PCDHA7: variants seen among roughly 807,000 people sequenced by gnomAD.
PCDHA7 encodes the protein protocadherin alpha 7, also known as protocadherin alpha-7.
In PCDHA7, 37 loss-of-function variants were observed where a neutral mutation model predicts 57.2. That is an observed-to-expected ratio of 0.65 (90% CI 0.50 to 0.85). The LOEUF (loss-of-function observed/expected upper bound fraction) is 0.85. Ranked by LOEUF, PCDHA7 falls within the 40% of genes least tolerant of loss-of-function variation. PCDHA7 has a pLI of 0.00. For missense variants in PCDHA7, 1,188 were observed against 1,241.8 expected, an observed-to-expected ratio of 0.96 and a Z score of 0.65; for synonymous variants, 553 against 558.8, an observed-to-expected ratio of 0.99 and a Z score of 0.15.
chr5:140,992,342 T>C (rs2097506091), intron 3 of PCDHA7, among the ~76,000 whole-genome samples: 1 of 152,102 alleles, frequency 6.6e-6, no homozygotes. Flanking sequence ...AAGATGGAAA[T>C]GTGGAGAGAG....
chr5:140,849,743 G>A lies in PCDHA7; in HGVS notation c.2355+13005G>A, dbSNP rs1554143245. ...TGCTGGACAGAGCTCTGGACCGCGA[G>A]AGTGTGTCCGCCTACGAGCTGGTGG... On this transcript the variant is annotated intron_variant, in intron 1 of 3. Transcript: ENST00000525929. 4 of 1,598,390 alleles carry A rather than the reference G, an allele frequency of 2.5e-6. No individual in the cohort carries two copies. The Admixed American group carries it at 6.7e-5, about 27-fold the overall frequency.
At chr5:140,927,824 A>C in intron 1 of PCDHA7, 1 of 1,614,182 alleles carries the variant, frequency 6.2e-7, no homozygotes, top group Non-Finnish European at 8.5e-7. Context: ...GCATACATTG[A>C]GGCGAGGGAC....
At chr5:140,994,236 A>G (rs1222556974) in intron 3 of PCDHA7, among the ~76,000 whole-genome samples, 3 of 152,170 alleles carry the variant, frequency 2.0e-5, no homozygotes, top group African/African-American at 4.8e-5. Context: ...GTTATAATCA[A>G]TTCAAACCCT....
chr5:140,876,960 G>A (rs781808609), intron 1 of PCDHA7: 4 of 1,613,122 alleles, frequency 2.5e-6, no homozygotes, highest in East Asian at 4.5e-5. Context: ...CGCTGGTGGA[G>A]CGGCGGGTGG....
At chr5:140,919,222 C>G (rs1367427149) in intron 1 of PCDHA7, among the ~76,000 whole-genome samples, 3 of 152,144 alleles carry the variant, frequency 2.0e-5, no homozygotes, top group African/African-American at 7.2e-5. Flanking sequence ...TTCTTGATTT[C>G]TAGTAACACT....
intron 1 of PCDHA7, chr5:140,881,341 G>C (rs1422783424): frequency 1.5e-5 from 15 of 984,968 alleles, no homozygotes; most frequent in Non-Finnish European, 1.7e-5. Flanking sequence ...ACGCCGATTC[G>C]GGCTACAATG....
chr5:140,870,936 G>A (rs1554164882), intron 1 of PCDHA7: 5 of 1,613,820 alleles, frequency 3.1e-6, no homozygotes, highest in South Asian at 1.1e-5. Flanking sequence ...ATGAATTGCA[G>A]CCGGCGGCGG....
intron 1 of PCDHA7, among the ~76,000 whole-genome samples, chr5:140,959,893 T>A (rs782431808): frequency 6.6e-6 from 1 of 152,194 alleles, no homozygotes; most frequent in Non-Finnish European, 1.5e-5. Flanking sequence ...CGAGTGGGAT[T>A]TATATCAGAA....
intron 1 of PCDHA7, among the ~76,000 whole-genome samples, chr5:140,893,236 T>C (rs1554185562): frequency 6.6e-6 from 1 of 152,236 alleles, no homozygotes. Flanking sequence ...TTTGACATAC[T>C]GGTTTCCTTT....
chr5:140,995,401 G>A (rs576317630), intron 3 of PCDHA7, among the ~76,000 whole-genome samples: 7 of 152,238 alleles, frequency 4.6e-5, no homozygotes, highest in African/African-American at 1.4e-4. Context: ...GGGATGGCTC[G>A]AGATTTCATC....
chr5:140,882,453 G>A, intron 1 of PCDHA7: 3 of 1,614,042 alleles, frequency 1.9e-6, no homozygotes, highest in Non-Finnish European at 2.5e-6. Flanking sequence ...CTGGTGCCGC[G>A]CCTGTTCCGG....
intron 1 of PCDHA7, chr5:140,878,053 C>T (rs2057454277): frequency 2.2e-6 from 1 of 456,148 alleles, no homozygotes; most frequent in Non-Finnish European, 3.5e-6. Flanking sequence ...TGGAGCACCA[C>T]ACTTAATATT....
At chr5:140,857,196 A>G in intron 1 of PCDHA7, 1 of 1,598,586 alleles carries the variant, frequency 6.3e-7, no homozygotes, top group Non-Finnish European at 8.6e-7. Flanking sequence ...GCCAACGGAC[A>G]GGTCACCTGC....
At chr5:140,991,298 A>G (rs555776023) in intron 3 of PCDHA7, among the ~76,000 whole-genome samples, 1 of 152,288 alleles carries the variant, frequency 6.6e-6, no homozygotes, top group Non-Finnish European at 1.5e-5. Context: ...ACACATTACT[A>G]TTATCTTGTC....
intron 1 of PCDHA7, among the ~76,000 whole-genome samples, chr5:140,872,414 C>T (rs138959813): frequency 1.3e-5 from 2 of 152,128 alleles, no homozygotes; most frequent in East Asian, 1.9e-4. Context: ...ATTGCTTGAG[C>T]CCAAGAGTTC....
rs782605707 is a variant in PCDHA7 at position 140,857,540 on chromosome 5, T to G, written c.2355+20802T>G. The G allele has an allele frequency of 1.6e-4, 262 of 1,596,716 alleles. 26 individuals carry two copies. Among genetic ancestry groups the G allele is most frequent in the Non-Finnish European group, 2.1e-4 (250 of 1,167,578 alleles). ...GTCCTACTCTCTGGTGGAGCGGCGG[T>G]TGGGCGAGCGCTCGCTGTCGAGCTA... On this transcript the variant is annotated intron_variant, in intron 1 of 3. Transcript: ENST00000525929.
At chr5:140,883,397 C>T in intron 1 of PCDHA7, 2 of 1,614,170 alleles carry the variant, frequency 1.2e-6, no homozygotes, top group Non-Finnish European at 1.7e-6. Flanking sequence ...TGTGTCCGAT[C>T]GTGACTCTGG....
chr5:140,922,101 G>A (rs531054386), intron 1 of PCDHA7, among the ~76,000 whole-genome samples: 1 of 152,086 alleles, frequency 6.6e-6, no homozygotes, highest in Admixed American at 6.5e-5. Context: ...ACCAACTATA[G>A]ATAAATGAAA....
intron 2 of PCDHA7, among the ~76,000 whole-genome samples, chr5:140,981,353 C>A (rs551731316): frequency 6.6e-6 from 1 of 152,166 alleles, no homozygotes; most frequent in South Asian, 2.1e-4. Context: ...GCAGGTGGAT[C>A]ACTTGAGGTC....
Sources: allele counts gnomAD v4.1 joint callset (sites outside exome capture counted in the v4.1 genomes callset), GRCh38; gene constraint gnomAD v4.1.1; transcripts MANE v1.5; gene names NCBI Gene and HGNC (gene_info 2026-07-23, HGNC 2026-07-21).